The following WWC2 variants were observed in gnomAD, a reference collection of about 807,000 sequenced individuals.
WWC2 encodes the protein protein WWC2.
Under a neutral mutation model 138.5 loss-of-function variants are expected in WWC2, and 101 were observed. That is an observed-to-expected ratio of 0.73 (90% CI 0.62 to 0.86). The LOEUF is 0.86. WWC2 is among the 40% of genes least tolerant of loss of function. The pLI is 0.00. For synonymous variants in WWC2, 558 were observed against 538.4 expected (o/e 1.04, Z -0.50); for missense variants, 1,420 against 1,419.4 (o/e 1.00, Z -0.01).
intron 1 of WWC2, among the ~76,000 whole-genome samples, chr4:183,181,595 T>C (rs1734634502): frequency 3.3e-5 from 5 of 152,154 alleles, no homozygotes; most frequent in Admixed American, 3.3e-4. Flanking sequence ...TTTCTCCAGC[T>C]TAGTTTATTG....
intron 2 of WWC2, among the ~76,000 whole-genome samples, chr4:183,196,251 A>G (rs1213233907): frequency 4.6e-5 from 7 of 152,120 alleles, no homozygotes; most frequent in Admixed American, 3.9e-4. Context: ...CCTTTATAAC[A>G]AGGCAAGAAG....
At chr4:183,204,669 A>C (rs1252355507) in intron 2 of WWC2, among the ~76,000 whole-genome samples, 2 of 152,210 alleles carry the variant, frequency 1.3e-5, no homozygotes, top group Non-Finnish European at 1.5e-5. Flanking sequence ...TATACAATTC[A>C]TGAGTTTTGA....
intron 1 of WWC2, among the ~76,000 whole-genome samples, chr4:183,190,590 T>A (rs183773898): frequency 6.6e-6 from 1 of 152,124 alleles, no homozygotes; most frequent in African/African-American, 2.4e-5. Context: ...AGAAAGTATA[T>A]ATATTTATCC....
chr4:183,256,165 G>C (rs1316233258), intron 9 of WWC2, among the ~76,000 whole-genome samples: 1 of 152,106 alleles, frequency 6.6e-6, no homozygotes, highest in Non-Finnish European at 1.5e-5. Flanking sequence ...CAAATAAGTG[G>C]ATACTAGTTT....
At chr4:183,262,090 C>T (rs528058450) in intron 11 of WWC2, among the ~76,000 whole-genome samples, 117 of 152,242 alleles carry the variant, frequency 7.7e-4, no homozygotes, top group Non-Finnish European at 1.5e-3. Context: ...GTTGCAGCCC[C>T]GGGAAGGGAT....
At chr4:183,165,760 C>T (rs909006935) in intron 1 of WWC2, among the ~76,000 whole-genome samples, 9 of 152,146 alleles carry the variant, frequency 5.9e-5, no homozygotes, top group African/African-American at 2.2e-4. Flanking sequence ...GCAACTTTTT[C>T]TTTTTCATCC....
intron 1 of WWC2, among the ~76,000 whole-genome samples, chr4:183,151,746 C>T (rs1733640440): frequency 6.6e-6 from 1 of 152,108 alleles, no homozygotes; most frequent in South Asian, 2.1e-4. Context: ...CCAGTTTCAG[C>T]TTTCTACATA....
chr4:183,255,877 C>CTTTTTT lies in WWC2; in HGVS notation c.1196+1887_1196+1892dup, dbSNP rs551883972. ...CCAGTGAAATAGGAGGCTTTTTTTC[C>CTTTTTT]TTTTTTTTTTTTTTAACGAACAGCC... is the stretch of plus-strand genomic sequence containing the variant. On this transcript the variant is annotated intron_variant, in intron 9 of 22. Transcript: ENST00000403733. Among the ~76,000 whole-genome samples, 665 of 140,744 alleles carry CTTTTTT rather than the reference C, an allele frequency of 4.7e-3. 4 individuals carry two copies. Among genetic ancestry groups the CTTTTTT allele is most frequent in the African/African-American group, 0.017 (631 of 37,710 alleles). The allele number at this position is 140,744 out of a possible 152,430, so 92.3% of individuals were successfully genotyped here. A position where few individuals can be genotyped will look rare whatever the true frequency, so the allele number is the denominator to read the frequency against.
Position 183,319,862 on chromosome 4 carries a change from C to G in WWC2, c.*4133C>G, listed in dbSNP as rs746597510. 118 of 1,613,650 alleles carry G rather than the reference C, an allele frequency of 7.3e-5. 3 individuals carry two copies. Among genetic ancestry groups the G allele is most frequent in the African/African-American group, 3.2e-4 (24 of 74,988 alleles). ...CCCAGGACAGAATTCCTCCCAGGAT[C>G]AGCAGTCGCCTCTTGAGATCTCTCT... On this transcript the variant is annotated 3_prime_UTR_variant, in exon 23 of 23. Coordinates refer to ENST00000403733, the MANE Select transcript of WWC2 (RefSeq NM_024949.6).
chr4:183,310,250 C>T (rs938982701), intron 21 of WWC2, among the ~76,000 whole-genome samples: 9 of 152,160 alleles, frequency 5.9e-5, no homozygotes, highest in South Asian at 2.1e-4. Flanking sequence ...TTGTAACAAA[C>T]GTACACTCTG....
In WWC2 at chr4:183,318,512, A is replaced by G. The variant is rs1423675287; in HGVS notation, c.*2783A>G. On this transcript the variant is annotated 3_prime_UTR_variant, in exon 23 of 23. Coordinates refer to ENST00000403733, the MANE Select transcript of WWC2 (RefSeq NM_024949.6). ...GTTTTTTTTAAAAAAAAAAGCAAAA[A>G]CAAAGCTACATATTGCCTAATACTC... 6.6e-6 allele frequency: 1 copy of G among 152,432 alleles called. No homozygotes were observed. Among genetic ancestry groups the G allele is most frequent in the Admixed American group, 6.6e-5 (1 of 15,264 alleles). The allele number at this position is 152,432 out of a possible 1,614,324, so 9.4% of individuals were successfully genotyped here. A position where few individuals can be genotyped will look rare whatever the true frequency, so the allele number is the denominator to read the frequency against.
chr4:183,309,051 A>G (rs1271675921), intron 21 of WWC2, among the ~76,000 whole-genome samples: 1 of 152,224 alleles, frequency 6.6e-6, no homozygotes, highest in Non-Finnish European at 1.5e-5. Context: ...ATGAATCTGG[A>G]TATAGACCCT....
intron 14 of WWC2, among the ~76,000 whole-genome samples, chr4:183,266,451 A>G (rs1466646938): frequency 6.6e-6 from 1 of 152,222 alleles, no homozygotes; most frequent in Non-Finnish European, 1.5e-5. Context: ...TCACTTCATC[A>G]AACCAAGAAT....
intron 21 of WWC2, among the ~76,000 whole-genome samples, chr4:183,311,587 T>G (rs1739243570): frequency 1.4e-5 from 2 of 144,834 alleles, no homozygotes. Context: ...GGTTTTTTTT[T>G]TTTTTTTTTT....
intron 1 of WWC2, among the ~76,000 whole-genome samples, chr4:183,150,645 C>T (rs555392349): frequency 7.2e-5 from 11 of 152,084 alleles, no homozygotes; most frequent in Non-Finnish European, 1.3e-4. Flanking sequence ...TCGTCATTTA[C>T]ATTAAGTATT....
intron 5 of WWC2, among the ~76,000 whole-genome samples, chr4:183,241,484 C>T (rs1362762644): frequency 6.6e-6 from 1 of 152,222 alleles, no homozygotes; most frequent in African/African-American, 2.4e-5. Flanking sequence ...ATCATCCAGA[C>T]TCCTTTTTTC....
intron 21 of WWC2, among the ~76,000 whole-genome samples, chr4:183,300,247 T>C (rs139451441): frequency 6.6e-5 from 10 of 152,064 alleles, no homozygotes; most frequent in Admixed American, 2.6e-4. Flanking sequence ...AAGCCCGGCA[T>C]CTTATCGTGA....
chr4:183,283,635 G>A (rs1738152897), intron 18 of WWC2, among the ~76,000 whole-genome samples: 1 of 152,106 alleles, frequency 6.6e-6, no homozygotes. Context: ...TACTGAGTTT[G>A]TATTTTGAGA....
chr4:183,106,712 T>G (rs1743372600), intron 1 of WWC2, among the ~76,000 whole-genome samples: 2 of 152,216 alleles, frequency 1.3e-5, no homozygotes, highest in Non-Finnish European at 1.5e-5. Context: ...TCTTTTTTTC[T>G]TAGTGTAATG....
Sources: allele counts gnomAD v4.1 joint callset (sites outside exome capture counted in the v4.1 genomes callset), GRCh38; gene constraint gnomAD v4.1.1; transcripts MANE v1.5; gene names NCBI Gene and HGNC (gene_info 2026-07-23, HGNC 2026-07-21).